The following AKAP6 variants were observed in gnomAD, a reference collection of about 807,000 sequenced individuals.
The protein encoded by AKAP6 is A-kinase anchoring protein 6.
AKAP6 carries 58 observed loss-of-function variants against 188.5 expected under a neutral mutation model. That is an observed-to-expected ratio of 0.31 (90% CI 0.25 to 0.38). AKAP6 has a LOEUF of 0.38. Ranked by LOEUF, AKAP6 falls within the 10% of genes least tolerant of loss-of-function variation. AKAP6 has a pLI of 1.00. For missense variants in AKAP6, 2,710 were observed against 2,740.0 expected (o/e 0.99, Z 0.24); for synonymous variants, 989 against 998.6 (o/e 0.99, Z 0.18).
At chr14:32,709,414 C>T (rs985172673) in intron 9 of AKAP6, among the ~76,000 whole-genome samples, 5 of 151,970 alleles carry the variant, frequency 3.3e-5, no homozygotes, top group African/African-American at 1.2e-4. Flanking sequence ...CTCCCCAGTG[C>T]TAGGTAATAT....
intron 1 of AKAP6, among the ~76,000 whole-genome samples, chr14:32,403,804 T>C (rs2138623124): frequency 6.6e-6 from 1 of 152,376 alleles, no homozygotes; most frequent in South Asian, 2.1e-4. Flanking sequence ...CAACTGTAGC[T>C]CTCATTTTCA....
At chr14:32,478,031 T>G (rs1375992556) in intron 2 of AKAP6, among the ~76,000 whole-genome samples, 1 of 152,200 alleles carries the variant, frequency 6.6e-6, no homozygotes, top group Non-Finnish European at 1.5e-5. Flanking sequence ...CAACAGGCAT[T>G]GCATGGCTGG....
chr14:32,540,158 CTCTCTCTCTCTATATATA>C (rs1231601851), intron 3 of AKAP6, among the ~76,000 whole-genome samples: 5 of 112,786 alleles, frequency 4.4e-5, no homozygotes, highest in Non-Finnish European at 1.7e-5. Context: ...CTCTCTCTCT[CTCTCTCTCTCTATATATA>C]TATATATATA....
chr14:32,390,018 C>G (rs1396290368), intron 1 of AKAP6, among the ~76,000 whole-genome samples: 3 of 151,986 alleles, frequency 2.0e-5, no homozygotes, highest in Non-Finnish European at 4.4e-5. Flanking sequence ...TAATCCCAGA[C>G]TTCTTGGAGG....
At chr14:32,570,708 C>T (rs1163553200) in intron 4 of AKAP6, among the ~76,000 whole-genome samples, 1 of 152,186 alleles carries the variant, frequency 6.6e-6, no homozygotes, top group Non-Finnish European at 1.5e-5. Context: ...GACATTAAGT[C>T]ATTAGGTATA....
chr14:32,453,728 C>G (rs1160297083), intron 2 of AKAP6, among the ~76,000 whole-genome samples: 1 of 150,206 alleles, frequency 6.7e-6, no homozygotes, highest in Non-Finnish European at 1.5e-5. Flanking sequence ...TCCCGAGTAG[C>G]TGGGACTACA....
At chr14:32,659,520 TTAAAA>T (rs1452532424) in intron 7 of AKAP6, among the ~76,000 whole-genome samples, 3 of 152,056 alleles carry the variant, frequency 2.0e-5, no homozygotes, top group Non-Finnish European at 4.4e-5. Flanking sequence ...AGCTCAAATC[TTAAAA>T]TAATTAATTA....
Position 32,775,397 on chromosome 14 carries a change from G to A in AKAP6, c.3588+1504G>A, listed in dbSNP as rs200425631. Among the ~76,000 whole-genome samples, 41 of 151,406 alleles carry A rather than the reference G, an allele frequency of 2.7e-4. No individual in the cohort carries two copies. The East Asian group carries it at 7.6e-3, about 28-fold the overall frequency. On this transcript the variant is annotated intron_variant, in intron 12 of 13. Coordinates refer to ENST00000280979, the MANE Select transcript of AKAP6 (RefSeq NM_004274.5). ...AAATCGTATGATCAGGGGTTCTAGA[G>A]CAGTTCTCTGCAGACTAGATGTAGA...
intron 11 of AKAP6, among the ~76,000 whole-genome samples, chr14:32,763,396 A>C (rs2032603264): frequency 6.6e-6 from 1 of 152,098 alleles, no homozygotes; most frequent in Non-Finnish European, 1.5e-5. Context: ...AGTTTCATAA[A>C]CGTTTTTCTA....
intron 1 of AKAP6, among the ~76,000 whole-genome samples, chr14:32,393,938 G>T (rs981519510): frequency 6.6e-6 from 1 of 152,074 alleles, no homozygotes; most frequent in Non-Finnish European, 1.5e-5. Context: ...TAAATGGAAA[G>T]AAATGAAAAG....
At chr14:32,337,486 A>AT (rs1886743472) in intron 1 of AKAP6, among the ~76,000 whole-genome samples, 1 of 152,208 alleles carries the variant, frequency 6.6e-6, no homozygotes, top group Non-Finnish European at 1.5e-5. Context: ...CTGAGAACAA[A>AT]TAAAGAATCA....
At chr14:32,684,488 A>G (rs17099438) in intron 8 of AKAP6, among the ~76,000 whole-genome samples, 33,504 of 152,120 alleles carry the variant, frequency 0.22, 4,502 homozygotes, top group East Asian at 0.58. Flanking sequence ...CTGATCCTAG[A>G]TATAAGATTG....
chr14:32,519,187 G>A (rs1881683648), intron 2 of AKAP6, among the ~76,000 whole-genome samples: 1 of 152,168 alleles, frequency 6.6e-6, no homozygotes, highest in Admixed American at 6.5e-5. Flanking sequence ...AAGAACTCCT[G>A]AAGGAAGCAC....
chr14:32,476,476 T>G (rs1276860521), intron 2 of AKAP6, among the ~76,000 whole-genome samples: 1 of 152,218 alleles, frequency 6.6e-6, no homozygotes, highest in Non-Finnish European at 1.5e-5. Context: ...ACTTTCCTTG[T>G]GTGCATTATC....
At chr14:32,721,015 T>A (rs1414470499) in intron 9 of AKAP6, among the ~76,000 whole-genome samples, 1 of 152,240 alleles carries the variant, frequency 6.6e-6, no homozygotes, top group Non-Finnish European at 1.5e-5. Context: ...TTACATTAAT[T>A]GCTGCGCCTC....
intron 2 of AKAP6, among the ~76,000 whole-genome samples, chr14:32,455,109 G>A (rs1015871555): frequency 6.6e-6 from 1 of 150,758 alleles, no homozygotes; most frequent in African/African-American, 2.4e-5. Flanking sequence ...GGGACTACAG[G>A]TGTGGGCCAC....
At chr14:32,470,152 G>T (rs1423337482) in intron 2 of AKAP6, among the ~76,000 whole-genome samples, 1 of 152,016 alleles carries the variant, frequency 6.6e-6, no homozygotes, top group Non-Finnish European at 1.5e-5. Context: ...CATCAACTAG[G>T]CTATTTGATA....
chr14:32,371,484 G>A (rs927247370), intron 1 of AKAP6, among the ~76,000 whole-genome samples: 5 of 152,154 alleles, frequency 3.3e-5, no homozygotes, highest in African/African-American at 7.2e-5. Flanking sequence ...GTGCTCATCC[G>A]TAGTCCTAGC....
intron 11 of AKAP6, among the ~76,000 whole-genome samples, chr14:32,771,285 C>T (rs2032889169): frequency 6.8e-6 from 1 of 146,016 alleles, no homozygotes; most frequent in African/African-American, 2.6e-5. Context: ...CCCAAGTGCA[C>T]ATGTAGGATA....
Sources: allele counts gnomAD v4.1 joint callset (sites outside exome capture counted in the v4.1 genomes callset), GRCh38; gene constraint gnomAD v4.1.1; transcripts MANE v1.5; gene names NCBI Gene and HGNC (gene_info 2026-07-23, HGNC 2026-07-21).